The following PPFIA2 variants were observed in gnomAD, a reference collection of about 807,000 sequenced individuals.
The protein encoded by PPFIA2 is PPFI scaffold protein A2, also known as liprin-alpha-2.
In PPFIA2, 46 loss-of-function variants were observed where a neutral mutation model predicts 175.5. The observed-to-expected ratio is 0.26, with a 90% CI of 0.21 to 0.34. The LOEUF (loss-of-function observed/expected upper bound fraction) is 0.34, where lower values mean the gene tolerates loss of function less well. Ranked by LOEUF, PPFIA2 falls within the 10% of genes least tolerant of loss-of-function variation. PPFIA2 has a pLI of 1.00. For synonymous variants in PPFIA2, 568 were observed against 511.4 expected, an observed-to-expected ratio of 1.11 and a Z score of -1.49; for missense variants, 1,179 against 1,506.1, an observed-to-expected ratio of 0.78 and a Z score of 3.60.
intron 22 of PPFIA2, among the ~76,000 whole-genome samples, chr12:81,311,481 C>T (rs2050778099): frequency 6.6e-6 from 1 of 152,072 alleles, no homozygotes; most frequent in Admixed American, 6.5e-5. Context: ...CGCCTGTAGT[C>T]CCAGCACTTT....
chr12:81,340,028 G>T (rs1211972449), intron 20 of PPFIA2, among the ~76,000 whole-genome samples: 2 of 152,210 alleles, frequency 1.3e-5, no homozygotes, highest in African/African-American at 2.4e-5. Context: ...GGGATCAATA[G>T]ACATTGTTAT....
intron 7 of PPFIA2, among the ~76,000 whole-genome samples, chr12:81,413,231 T>C (rs1050310822): frequency 2.6e-5 from 4 of 151,784 alleles, no homozygotes; most frequent in Non-Finnish European, 5.9e-5. Flanking sequence ...TCTAGAAATA[T>C]TTGTAGAATG....
chr12:81,572,529 C>T (rs1268645471), intron 4 of PPFIA2, among the ~76,000 whole-genome samples: 1 of 151,944 alleles, frequency 6.6e-6, no homozygotes, highest in East Asian at 1.9e-4. Flanking sequence ...AAAAACAGTG[C>T]CTACCACATA....
At chr12:81,499,440 C>G (rs941597733) in intron 4 of PPFIA2, among the ~76,000 whole-genome samples, 1 of 152,162 alleles carries the variant, frequency 6.6e-6, no homozygotes, top group Non-Finnish European at 1.5e-5. Flanking sequence ...AGTACGCACT[C>G]TTTCCCAAAT....
At chr12:81,392,000 T>C (rs1229746060) in intron 8 of PPFIA2, among the ~76,000 whole-genome samples, 1 of 151,872 alleles carries the variant, frequency 6.6e-6, no homozygotes, top group African/African-American at 2.4e-5. Flanking sequence ...ATATGAAAAC[T>C]ATAGGAAGGT....
intron 4 of PPFIA2, among the ~76,000 whole-genome samples, chr12:81,599,528 G>C (rs1371053843): frequency 6.6e-6 from 1 of 151,918 alleles, no homozygotes; most frequent in Non-Finnish European, 1.5e-5. Context: ...CTGATTTATA[G>C]AAAATCTGCA....
chr12:81,542,747 C>T (rs986695589), intron 4 of PPFIA2, among the ~76,000 whole-genome samples: 2 of 152,062 alleles, frequency 1.3e-5, no homozygotes, highest in African/African-American at 2.4e-5. Flanking sequence ...CAGCCTCTAG[C>T]CAGCTTTATA....
chr12:81,645,648 G>A (rs1006976746), intron 4 of PPFIA2, among the ~76,000 whole-genome samples: 17 of 152,326 alleles, frequency 1.1e-4, no homozygotes, highest in Admixed American at 3.9e-4. Flanking sequence ...AATTCCAAAG[G>A]TTGACAAGTT....
intron 28 of PPFIA2, among the ~76,000 whole-genome samples, chr12:81,268,381 G>A (rs574514007): frequency 4.0e-5 from 6 of 151,466 alleles, no homozygotes; most frequent in African/African-American, 1.5e-4. Context: ...CTCGTGATCC[G>A]CCCGCCTCGG....
chr12:81,383,782 G>A (rs1251137788), intron 9 of PPFIA2, among the ~76,000 whole-genome samples: 1 of 152,058 alleles, frequency 6.6e-6, no homozygotes, highest in Admixed American at 6.6e-5. Context: ...GCTTCAGAAT[G>A]TCTTTGTTAT....
intron 23 of PPFIA2, 68 bp downstream of exon 23, chr12:81,299,233 A>G: frequency 6.7e-6 from 10 of 1,486,098 alleles, no homozygotes; most frequent in Non-Finnish European, 9.1e-6. Flanking sequence ...ACTTGCCGTT[A>G]CCTGTCTCAA....
At chr12:81,541,662 T>C (rs1039535476) in intron 4 of PPFIA2, among the ~76,000 whole-genome samples, 20 of 149,852 alleles carry the variant, frequency 1.3e-4, no homozygotes, top group Non-Finnish European at 2.5e-4. Context: ...AATTATGTCT[T>C]TAAAGCAATA....
chr12:81,475,771 G>A (rs974671481), intron 4 of PPFIA2, among the ~76,000 whole-genome samples: 5 of 152,150 alleles, frequency 3.3e-5, no homozygotes, highest in Non-Finnish European at 2.9e-5. Context: ...GGAGTGTAGT[G>A]GCGCGATCTC....
intron 4 of PPFIA2, among the ~76,000 whole-genome samples, chr12:81,539,856 T>C (rs1473465788): frequency 6.6e-6 from 1 of 152,054 alleles, no homozygotes; most frequent in African/African-American, 2.4e-5. Flanking sequence ...TTTCTCATTT[T>C]CCATTGCTGT....
intron 4 of PPFIA2, among the ~76,000 whole-genome samples, chr12:81,662,001 C>T (rs374652236): frequency 7.9e-5 from 12 of 152,006 alleles, no homozygotes; most frequent in Non-Finnish European, 1.5e-4. Context: ...TCGAAACCAA[C>T]GAGAACAAAG....
At chr12:81,544,559 T>C (rs1291442114) in intron 4 of PPFIA2, among the ~76,000 whole-genome samples, 1 of 152,168 alleles carries the variant, frequency 6.6e-6, no homozygotes, top group Non-Finnish European at 1.5e-5. Flanking sequence ...CCTAATTTGA[T>C]TCTACATGAA....
At chr12:81,743,065 C>A (rs1385851296) in intron 3 of PPFIA2, among the ~76,000 whole-genome samples, 2 of 151,970 alleles carry the variant, frequency 1.3e-5, no homozygotes, top group South Asian at 2.1e-4. Context: ...ATGCCTGAAC[C>A]CAGGAGTTGA....
chr12:81,731,042 C>T (rs1487852020), intron 3 of PPFIA2, among the ~76,000 whole-genome samples: 3 of 151,626 alleles, frequency 2.0e-5, no homozygotes, highest in Non-Finnish European at 4.4e-5. Context: ...TACTGCTGCT[C>T]TTATTGCAAC....
At chr12:81,370,168 T>C (rs1226783329) in intron 11 of PPFIA2, among the ~76,000 whole-genome samples, 2 of 151,724 alleles carry the variant, frequency 1.3e-5, no homozygotes, top group Non-Finnish European at 2.9e-5. Flanking sequence ...ATGACTCAGG[T>C]GTAATTAATT....
Sources: gnomAD v4.1 joint callset for allele counts (sites outside exome capture counted in the v4.1 genomes callset) on GRCh38, gnomAD v4.1.1 for gene constraint, MANE v1.5 for transcripts, NCBI Gene and HGNC (gene_info 2026-07-23, HGNC 2026-07-21) for gene names.